TAF3: variants seen among roughly 807,000 people sequenced by gnomAD.
TAF3 encodes TATA-box binding protein associated factor 3.
TAF3 carries 7 observed loss-of-function variants against 80.6 expected under a neutral mutation model. The ratio of observed to expected loss-of-function variants is 0.09; its 90% confidence interval spans 0.05 to 0.16. TAF3 has a LOEUF of 0.16. TAF3 is among the 10% of genes least tolerant of loss of function. The pLI is 1.00. For missense variants in TAF3, 921 were observed against 1,140.2 expected, an observed-to-expected ratio of 0.81 and a Z score of 2.77; for synonymous variants, 444 against 446.1, an observed-to-expected ratio of 1.00 and a Z score of 0.06.
intron 4 of TAF3, 96 bp downstream of exon 4, chr10:7,977,419 G>A: frequency 8.8e-7 from 1 of 1,136,958 alleles, no homozygotes; most frequent in Non-Finnish European, 1.3e-6. Context: ...CTTCTCCCAG[G>A]TATGAACCTG....
In TAF3 at chr10:7,946,260, T is replaced by C. The variant is rs1838023259; in HGVS notation, c.410-17660T>C. Among the ~76,000 whole-genome samples, 3 of 152,202 alleles carry C rather than the reference T, an allele frequency of 2.0e-5. No individual in the cohort carries two copies. The South Asian group carries it at 6.2e-4, about 32-fold the overall frequency. On this transcript the variant is annotated intron_variant, in intron 2 of 6. Transcript: ENST00000344293. ...CAACCCACCTCCTTTCCTCTTGCCT[T>C]CACCTGCTCCTTCCCATGCCTCAGA...
chr10:7,837,502 G>T (rs983806612), intron 2 of TAF3, among the ~76,000 whole-genome samples: 2 of 152,138 alleles, frequency 1.3e-5, no homozygotes, highest in African/African-American at 4.8e-5. Flanking sequence ...AATTAGCTGG[G>T]CGTGGTGGTG....
intron 2 of TAF3, among the ~76,000 whole-genome samples, chr10:7,939,850 C>T (rs1186105381): frequency 1.3e-5 from 2 of 151,944 alleles, no homozygotes; most frequent in East Asian, 1.9e-4. Flanking sequence ...GGTCCTATAG[C>T]CAACTAAAAG....
intron 4 of TAF3, among the ~76,000 whole-genome samples, chr10:8,006,606 A>G (rs1466585029): frequency 6.6e-6 from 1 of 152,238 alleles, no homozygotes; most frequent in South Asian, 2.1e-4. Flanking sequence ...TCACCCTTGC[A>G]GGAAACAAAT....
intron 2 of TAF3, among the ~76,000 whole-genome samples, chr10:7,887,187 G>A (rs1168320565): frequency 2.0e-5 from 3 of 150,178 alleles, no homozygotes; most frequent in Admixed American, 1.3e-4. Flanking sequence ...AGCCGAGATC[G>A]CACCACTGCA....
rs375690990 is a variant in TAF3 at position 7,925,798 on chromosome 10, CA to C, written c.410-38108del. 2.5e-3 allele frequency among the ~76,000 whole-genome samples: 176 copies of C among 70,984 alleles called. 1 individual carries two copies. In the East Asian group the frequency reaches 0.041, roughly 17 times the overall value. The allele number at this position is 70,984 out of a possible 152,430, so 46.6% of individuals were successfully genotyped here. ...TGGGCAACAAAAGGAAACTCCATCT[CA>C]AAAAAAAAAAAAAGAAAAGAAAAGA... On this transcript the variant is annotated intron_variant, in intron 2 of 6. Coordinates refer to ENST00000344293, the MANE Select transcript of TAF3 (RefSeq NM_031923.4).
At chr10:7,840,158 T>G (rs1019448474) in intron 2 of TAF3, among the ~76,000 whole-genome samples, 16 of 96,072 alleles carry the variant, frequency 1.7e-4, no homozygotes, top group South Asian at 4.1e-4. Flanking sequence ...AAAATGAGTG[T>G]TTTTTTTTTT....
At chr10:7,983,871 T>A (rs1831751895) in intron 4 of TAF3, among the ~76,000 whole-genome samples, 1 of 151,990 alleles carries the variant, frequency 6.6e-6, no homozygotes. Flanking sequence ...AATAAATAAA[T>A]TTTTAAAAAG....
At chr10:7,928,716 C>G (rs888073441) in intron 2 of TAF3, among the ~76,000 whole-genome samples, 39 of 152,160 alleles carry the variant, frequency 2.6e-4, no homozygotes, top group African/African-American at 8.7e-4. Flanking sequence ...TCACGATGAT[C>G]TAGGTAATGG....
chr10:7,945,059 ATTT>A (rs534010508), intron 2 of TAF3, among the ~76,000 whole-genome samples: 1 of 151,994 alleles, frequency 6.6e-6, no homozygotes, highest in Non-Finnish European at 1.5e-5. Context: ...CTCTATTTTC[ATTT>A]TTTTTGGTAG....
Position 7,856,399 on chromosome 10 carries a change from G to A in TAF3, c.409+31839G>A, listed in dbSNP as rs555256334. On this transcript the variant is annotated intron_variant, in intron 2 of 6. Coordinates refer to ENST00000344293, the MANE Select transcript of TAF3 (RefSeq NM_031923.4). ...GGAGGCCGAGGCAGGAGAATCGCTT[G>A]AACCCAGTAGGTGGAGGTTGCAGTG... Among the ~76,000 whole-genome samples, 5 of 152,280 alleles carry A rather than the reference G, an allele frequency of 3.3e-5. No homozygotes were observed. In the South Asian group the frequency reaches 6.2e-4, roughly 19 times the overall value.
chr10:8,009,273 G>A lies in TAF3; in HGVS notation c.2511G>A (p.Gly837=). ...LLPSPGPAAS[G]ASAKAPVRSV... ...CCTCCCCGGGTCCCGCCGCCTCCGG[G>A]GCCAGTGCCAAAGCCCCCGTGCGCA... The change falls in exon 5 of 7, where the codon GGG becomes GGA. Residue 837 remains glycine (G), a synonymous_variant. Coordinates refer to ENST00000344293, the MANE Select transcript of TAF3 (RefSeq NM_031923.4). The surrounding 1 kb of genome is among the most constrained non-coding windows in gnomAD (Gnocchi z 4.1). The A allele has an allele frequency of 1.9e-6, 3 of 1,576,362 alleles. No individual in the cohort carries two copies. Among genetic ancestry groups the A allele is most frequent in the Non-Finnish European group, 2.6e-6 (3 of 1,164,350 alleles).
At chr10:7,953,256 T>C (rs1838101878) in intron 2 of TAF3, among the ~76,000 whole-genome samples, 1 of 152,170 alleles carries the variant, frequency 6.6e-6, no homozygotes, top group East Asian at 1.9e-4. Context: ...CTTAAAAATA[T>C]TTTCACAGCA....
rs12219454 is a variant in TAF3, at chr10:7,865,506, G to C, written c.409+40946G>C. 4.3e-3 allele frequency among the ~76,000 whole-genome samples: 415 copies of C among 96,504 alleles called. 2 individuals carry two copies. Among genetic ancestry groups the C allele is most frequent in the South Asian group, 0.016 (41 of 2,548 alleles). 63.3% of individuals were successfully genotyped at this position (96,504 alleles called of 152,430 possible). On this transcript the variant is annotated intron_variant, in intron 2 of 6. Coordinates refer to ENST00000344293, the MANE Select transcript of TAF3 (RefSeq NM_031923.4). ...ACAAACAAACAAACAAACAAACAAA[G>C]AAACAAACAGAAAGTAGGGGAGCAA... is the stretch of plus-strand genomic sequence containing the variant.
At chr10:7,851,247 A>AG (rs1401011768) in intron 2 of TAF3, among the ~76,000 whole-genome samples, 1 of 152,156 alleles carries the variant, frequency 6.6e-6, no homozygotes, top group Non-Finnish European at 1.5e-5. Context: ...AAGAGGGGAG[A>AG]GGGATAGCCA....
chr10:7,841,444 T>G (rs1366575626), intron 2 of TAF3, among the ~76,000 whole-genome samples: 2 of 152,190 alleles, frequency 1.3e-5, no homozygotes, highest in African/African-American at 2.4e-5. Context: ...TTGGGATTCT[T>G]AAAGGAAAAC....
chr10:7,855,870 C>T (rs1441385442), intron 2 of TAF3, among the ~76,000 whole-genome samples: 1 of 151,528 alleles, frequency 6.6e-6, no homozygotes, highest in Non-Finnish European at 1.5e-5. Flanking sequence ...ATAGCTTGAG[C>T]CCAGGAGTTT....
intron 2 of TAF3, among the ~76,000 whole-genome samples, chr10:7,849,521 A>T (rs886560752): frequency 3.3e-5 from 5 of 152,234 alleles, no homozygotes; most frequent in Non-Finnish European, 5.9e-5. Flanking sequence ...ATTTTAAAAA[A>T]TTATGTAATT....
intron 4 of TAF3, among the ~76,000 whole-genome samples, chr10:7,994,844 G>A (rs1242313927): frequency 2.0e-5 from 3 of 150,342 alleles, no homozygotes; most frequent in African/African-American, 4.9e-5. Context: ...GTGTGGTGGC[G>A]CATGCCTGTA....
Sources: gnomAD v4.1 joint callset for allele counts (sites outside exome capture counted in the v4.1 genomes callset) on GRCh38, gnomAD v4.1.1 for gene constraint, Gnocchi (gnomAD v3.1) non-coding constraint, MANE v1.5 for transcripts, NCBI Gene and HGNC (gene_info 2026-07-23, HGNC 2026-07-21) for gene names.